Variants in LDLRAD4 observed in about 807,000 individuals in gnomAD.
The protein encoded by LDLRAD4 is low density lipoprotein receptor class A domain containing 4.
Under a neutral mutation model 17.0 loss-of-function variants are expected in LDLRAD4, and 5 were observed. The observed-to-expected ratio is 0.29, with a 90% CI of 0.15 to 0.62. The LOEUF (loss-of-function observed/expected upper bound fraction) is 0.62, where lower values mean the gene tolerates loss of function less well. Ranked by LOEUF, LDLRAD4 falls within the 20% of genes least tolerant of loss-of-function variation. The probability of loss-of-function intolerance (pLI) is 0.84; values close to 1 mark genes in which losing one functional copy is unlikely to be tolerated. For missense variants in LDLRAD4, 340 were observed against 424.7 expected (o/e 0.80, Z 1.75); for synonymous variants, 168 against 171.8 (o/e 0.98, Z 0.17).
At chr18:13,586,311 G>A (rs769458373) in intron 3 of LDLRAD4, among the ~76,000 whole-genome samples, 2 of 148,480 alleles carry the variant, frequency 1.3e-5, no homozygotes, top group Non-Finnish European at 3.0e-5. Context: ...GGAGGCTGAG[G>A]AGAGAGAACT....
chr18:13,242,631 T>C (rs2145699492), intron 1 of LDLRAD4, among the ~76,000 whole-genome samples: 1 of 152,294 alleles, frequency 6.6e-6, no homozygotes, highest in South Asian at 2.1e-4. Context: ...CCACTCTGCA[T>C]TGTTATTTTT....
At position 13,621,649 on chromosome 18, in the gene LDLRAD4, G is replaced by A. The variant is rs953378519; in HGVS notation, c.336+378G>A. On this transcript the variant is annotated intron_variant, in intron 4 of 5. Transcript: ENST00000359446. The surrounding 1 kb of genome is among the most constrained non-coding windows in gnomAD (Gnocchi z 5.5). ...GAGATTCATTGTGTTGTAAAATCCTGTCCTGAGCTGGGTCCTGGAGGTGCT... is the reference window on the plus strand; with the variant it reads ...GAGATTCATTGTGTTGTAAAATCCTATCCTGAGCTGGGTCCTGGAGGTGCT... Among the ~76,000 whole-genome samples the A allele has an allele frequency of 3.3e-5, 5 of 152,196 alleles. No homozygotes were observed. The highest frequency in any genetic ancestry group is 1.3e-4 in the Admixed American group (2 of 15,282).
At chr18:13,274,280 C>G (rs1323317118), upstream of LDLRAD4, among the ~76,000 whole-genome samples, 1 of 152,178 alleles carries the variant, frequency 6.6e-6, no homozygotes, top group Non-Finnish European at 1.5e-5. Flanking sequence ...GATGGGGCAT[C>G]AGGTCTGTCT....
intron 1 of LDLRAD4, among the ~76,000 whole-genome samples, chr18:13,340,113 G>A (rs7244281): frequency 6.6e-6 from 1 of 152,038 alleles, no homozygotes; most frequent in South Asian, 2.1e-4. Context: ...TCCTTTTTAA[G>A]GCTGAATGAA....
At chr18:13,254,931 C>A (rs1161365232) in intron 1 of LDLRAD4, among the ~76,000 whole-genome samples, 1 of 152,092 alleles carries the variant, frequency 6.6e-6, no homozygotes, top group Non-Finnish European at 1.5e-5. Context: ...TCCACTACAC[C>A]CCAGCCTGGG....
intron 3 of LDLRAD4, among the ~76,000 whole-genome samples, chr18:13,529,978 T>TA (rs1386510184): frequency 4.9e-4 from 75 of 152,204 alleles, no homozygotes; most frequent in Admixed American, 4.9e-3. Flanking sequence ...TCTTTTGAAA[T>TA]ATCTCAGATA....
intron 1 of LDLRAD4, among the ~76,000 whole-genome samples, chr18:13,357,047 T>C (rs2083385126): frequency 6.6e-6 from 1 of 152,116 alleles, no homozygotes; most frequent in Admixed American, 6.6e-5. Flanking sequence ...GGCAGGAGAA[T>C]GGCGTGAACC....
chr18:13,480,703 T>C (rs1236975716), intron 3 of LDLRAD4, among the ~76,000 whole-genome samples: 1 of 152,188 alleles, frequency 6.6e-6, no homozygotes, highest in Non-Finnish European at 1.5e-5. Context: ...TCCTCTCCAA[T>C]TTTGCTGTGA....
chr18:13,283,865 G>T (rs972173011), intron 1 of LDLRAD4, among the ~76,000 whole-genome samples: 1 of 152,186 alleles, frequency 6.6e-6, no homozygotes. Context: ...ACATGGCTGG[G>T]GAGGCCTCAG....
intron 1 of LDLRAD4, among the ~76,000 whole-genome samples, chr18:13,301,863 A>C (rs2046624154): frequency 6.6e-6 from 1 of 152,174 alleles, no homozygotes; most frequent in South Asian, 2.1e-4. Flanking sequence ...GCAGACAGGC[A>C]GGAGAGCTCC....
At chr18:13,407,486 A>T (rs990583885) in intron 2 of LDLRAD4, among the ~76,000 whole-genome samples, 1 of 152,206 alleles carries the variant, frequency 6.6e-6, no homozygotes, top group Non-Finnish European at 1.5e-5. Context: ...ACATATGTTA[A>T]CTGACTTTTC....
At chr18:13,259,000 T>G (rs2043656613) in intron 1 of LDLRAD4, among the ~76,000 whole-genome samples, 1 of 152,226 alleles carries the variant, frequency 6.6e-6, no homozygotes. Flanking sequence ...GTGGGTTCAT[T>G]GAGTATTTAG....
rs1182005079 is a variant in LDLRAD4, at chr18:13,642,398, CT to C, written c.337-954del. On this transcript the variant is annotated intron_variant, in intron 4 of 5. Transcript: ENST00000359446. ...TGGGCTGAAAAGGGTACCACGCGTA[CT>C]TTTTTTCCCAGCACGCGTGGGGCCT... is the stretch of plus-strand genomic sequence containing the variant. 1.5e-5 allele frequency: 16 copies of C among 1,084,502 alleles called. No homozygotes were observed. The East Asian group carries it at 1.8e-4, about 12-fold the overall frequency. The allele number at this position is 1,084,502 out of a possible 1,614,324, so 67.2% of individuals were successfully genotyped here. A position where few individuals can be genotyped will look rare whatever the true frequency, so the allele number is the denominator to read the frequency against.
intron 3 of LDLRAD4, among the ~76,000 whole-genome samples, chr18:13,571,338 A>G (rs2094687616): frequency 1.3e-5 from 2 of 152,222 alleles, no homozygotes; most frequent in Non-Finnish European, 2.9e-5. Flanking sequence ...TGTAGCTTCC[A>G]GTGCCTCCAA....
chr18:13,615,435 GT>G (rs1304736009), intron 3 of LDLRAD4: 11 of 152,190 alleles, frequency 7.2e-5, no homozygotes, highest in African/African-American at 2.4e-4. Context: ...AGAAATGAGT[GT>G]TATATTAGGA....
exon 6 of LDLRAD4, chr18:13,650,364 T>A: frequency 2.5e-6 from 1 of 399,538 alleles, no homozygotes. Context: ...CTTTCTTCCC[T>A]CTGCGTGTCC....
intron 1 of LDLRAD4, among the ~76,000 whole-genome samples, chr18:13,323,522 CCGTG>C (rs931654616): frequency 5.3e-5 from 8 of 152,190 alleles, no homozygotes; most frequent in African/African-American, 1.9e-4. Flanking sequence ...TTTGACAGGG[CCGTG>C]ACTCAAGTGA....
intron 3 of LDLRAD4, among the ~76,000 whole-genome samples, chr18:13,497,493 G>A (rs55737069): frequency 5.3e-5 from 8 of 151,394 alleles, no homozygotes; most frequent in African/African-American, 1.9e-4. Context: ...GGTGGCTCTT[G>A]TAGTGTTTTT....
At chr18:13,556,122 T>C (rs2094480944) in intron 3 of LDLRAD4, among the ~76,000 whole-genome samples, 1 of 152,258 alleles carries the variant, frequency 6.6e-6, no homozygotes, top group South Asian at 2.1e-4. Context: ...CAGTGTATGT[T>C]ATTTTCTAGA....
Sources: gnomAD v4.1 joint callset for allele counts (sites outside exome capture counted in the v4.1 genomes callset) on GRCh38, gnomAD v4.1.1 for gene constraint, Gnocchi (gnomAD v3.1) non-coding constraint, MANE v1.5 for transcripts, NCBI Gene and HGNC (gene_info 2026-07-23, HGNC 2026-07-21) for gene names.